The following RRM1 variants were observed in gnomAD, a reference collection of about 807,000 sequenced individuals.
The protein encoded by RRM1 is ribonucleotide reductase catalytic subunit M1, also known as ribonucleoside-diphosphate reductase large subunit.
A neutral mutation model predicts 101.5 loss-of-function variants in RRM1; 19 were observed. The ratio of observed to expected loss-of-function variants is 0.19; its 90% confidence interval spans 0.13 to 0.27. The LOEUF (loss-of-function observed/expected upper bound fraction) is 0.27, where lower values mean the gene tolerates loss of function less well. Among genes scored for constraint, RRM1 ranks in the 10% least tolerant of loss-of-function variants. The pLI is 1.00. For synonymous variants in RRM1, 298 were observed against 323.4 expected, an observed-to-expected ratio of 0.92 and a Z score of 0.84; for missense variants, 500 against 962.9, an observed-to-expected ratio of 0.52 and a Z score of 6.36.
intron 15 of RRM1, among the ~76,000 whole-genome samples, chr11:4,130,517 G>A (rs1268954480): frequency 2.0e-5 from 3 of 151,988 alleles, no homozygotes; most frequent in Non-Finnish European, 2.9e-5. Flanking sequence ...GCAACATGGC[G>A]AAACTTAGTC....
chr11:4,108,955 G>T (rs991933229), intron 4 of RRM1, among the ~76,000 whole-genome samples: 3 of 152,038 alleles, frequency 2.0e-5, no homozygotes, highest in African/African-American at 7.2e-5. Context: ...TGAAAACCTG[G>T]CTCCTTTTTT....
In RRM1 at chr11:4,102,002, A is replaced by G. The variant is rs1334337226; in HGVS notation, c.29A>G (p.Gln10Arg). Residue 10 changes from glutamine (Q) to arginine (R), a missense_variant, in exon 2 of 19, where the codon CAA becomes CGA. This residue lies in a region of RRM1 where 44 missense variants were observed against 119.4 expected (regional missense o/e 0.37). Transcript: ENST00000300738. ...TGATTTGATTCTTTAGATGGCCGCCAAGAACGAGTCATGTTTGACAAAATT... is the reference window on the plus strand; with the variant it reads ...TGATTTGATTCTTTAGATGGCCGCCGAGAACGAGTCATGTTTGACAAAATT... MHVIKRDGRQERVMFDKITS... is the reference protein window; with the variant it reads MHVIKRDGRRERVMFDKITS... The G allele has an allele frequency of 8.8e-6, 14 of 1,589,794 alleles. No individual in the cohort carries two copies. Among genetic ancestry groups the G allele is most frequent in the Non-Finnish European group, 1.1e-5 (13 of 1,160,824 alleles).
intron 12 of RRM1, among the ~76,000 whole-genome samples, chr11:4,124,961 C>T (rs2094587319): frequency 1.3e-5 from 2 of 149,940 alleles, no homozygotes; most frequent in African/African-American, 4.9e-5. Context: ...TGTCACCAGG[C>T]TGGAGTGTAG....
chr11:4,121,403 G>A (rs886708244), intron 9 of RRM1, among the ~76,000 whole-genome samples: 7 of 151,910 alleles, frequency 4.6e-5, no homozygotes, highest in East Asian at 1.9e-4. Flanking sequence ...TATATCATTC[G>A]TTCGTTTTTA....
intron 12 of RRM1, among the ~76,000 whole-genome samples, chr11:4,126,055 T>G (rs973833883): frequency 1.3e-5 from 2 of 152,246 alleles, no homozygotes; most frequent in African/African-American, 4.8e-5. Flanking sequence ...CATATAAATA[T>G]AAATAAGATG....
chr11:4,122,049 T>G (rs921661474), intron 10 of RRM1, 92 bp from the exon 11 acceptor site: 2 of 1,018,732 alleles, frequency 2.0e-6, no homozygotes, highest in African/African-American at 3.3e-5. Context: ...CAAGAGAGCT[T>G]GTAAAAGTCA....
chr11:4,121,243 G>A (rs1375731016), intron 9 of RRM1, among the ~76,000 whole-genome samples: 1 of 152,266 alleles, frequency 6.6e-6, no homozygotes, highest in African/African-American at 2.4e-5. Context: ...CCTACAATAA[G>A]AGCATGGCTT....
Position 4,132,499 on chromosome 11 carries a change from A to G in RRM1, c.1905+78A>G. ...GGGAGTAAATGCTCACTCATGTTTA[A>G]TTTGCCCATTTTCTTAGTTTGGGTG... On this transcript the variant is annotated intron_variant, in intron 16 of 18. Transcript: ENST00000300738. This position sits in a 1 kb window ranked among gnomAD's most constrained non-coding sequence, Gnocchi z 4.1. The G allele has an allele frequency of 3.3e-6, 5 of 1,495,616 alleles. No individual in the cohort carries two copies. In the South Asian group the frequency reaches 6.1e-5, roughly 18 times the overall value. 92.6% of individuals were successfully genotyped at this position (1,495,616 alleles called of 1,614,324 possible).
In RRM1 at chr11:4,134,656, G is replaced by C. The variant is rs112440089; in HGVS notation, c.2002-426G>C. Among the ~76,000 whole-genome samples, 154 of 152,198 alleles carry C rather than the reference G, an allele frequency of 1.0e-3. 1 individual carries two copies. The highest frequency in any genetic ancestry group is 3.5e-3 in the African/African-American group (145 of 41,502). ...GTTTGAAATCCTAGCTTATTTAAAG[G>C]GTTTTATCTCATTGCTTCCCTTGGT... On this transcript the variant is annotated intron_variant, in intron 17 of 18. Transcript: ENST00000300738.
At chr11:4,112,152 T>A in intron 7 of RRM1, 90 bp downstream of exon 7, 1 of 925,180 alleles carries the variant, frequency 1.1e-6, no homozygotes, top group Non-Finnish European at 1.7e-6. Context: ...GACCTTTTAG[T>A]AGCTGCCTGC....
chr11:4,112,865 G>C (rs891583802), intron 7 of RRM1, among the ~76,000 whole-genome samples: 1 of 152,178 alleles, frequency 6.6e-6, no homozygotes, highest in Admixed American at 6.5e-5. Context: ...ACTTTGGAAG[G>C]CTGAGGTGGG....
chr11:4,128,705 G>C (rs1038972124), intron 14 of RRM1, among the ~76,000 whole-genome samples: 1 of 152,118 alleles, frequency 6.6e-6, no homozygotes, highest in Admixed American at 6.5e-5. Context: ...CTAATGTGTG[G>C]TTATTAGAAA....
chr11:4,130,486 A>G (rs12274313), intron 15 of RRM1, among the ~76,000 whole-genome samples: 9,858 of 152,148 alleles, frequency 0.065, 400 homozygotes, highest in African/African-American at 0.12. Context: ...ACTTGAGGTC[A>G]GGAGTTCAAG....
chr11:4,121,974 T>C (rs1038413337), intron 10 of RRM1, 167 bp from the exon 11 acceptor site: 1 of 674,970 alleles, frequency 1.5e-6, no homozygotes, highest in Non-Finnish European at 2.5e-6. Flanking sequence ...AAAGGTCATG[T>C]ATAAACAGGC....
chr11:4,108,173 G>C (rs2094560756), intron 4 of RRM1, among the ~76,000 whole-genome samples: 1 of 152,102 alleles, frequency 6.6e-6, no homozygotes, highest in Non-Finnish European at 1.5e-5. Flanking sequence ...ATCCACTTGT[G>C]TTTGAACCTG....
At chr11:4,124,495 A>G (rs2094586483) in intron 12 of RRM1, among the ~76,000 whole-genome samples, 1 of 152,246 alleles carries the variant, frequency 6.6e-6, no homozygotes, top group South Asian at 2.1e-4. Flanking sequence ...CACAATGTTA[A>G]GTGCTCTGAG....
chr11:4,101,292 A>G (rs1345908590), intron 1 of RRM1, among the ~76,000 whole-genome samples: 2 of 151,870 alleles, frequency 1.3e-5, no homozygotes, highest in Non-Finnish European at 2.9e-5. Context: ...GGTGCACAGG[A>G]CAAGTGGTAT....
intron 1 of RRM1, 56 bp downstream of exon 1, chr11:4,095,087 G>A (rs1054170799): frequency 1.3e-6 from 2 of 1,543,408 alleles, no homozygotes; most frequent in Non-Finnish European, 1.8e-6. Context: ...GGCTGCCGCC[G>A]CCGGAGCTGA....
intron 16 of RRM1, among the ~76,000 whole-genome samples, chr11:4,133,183 G>T (rs1338936803): frequency 1.3e-5 from 2 of 151,944 alleles, no homozygotes; most frequent in Non-Finnish European, 2.9e-5. Context: ...TTTTGTTGTC[G>T]ATACTGTTTT....
Sources: allele counts gnomAD v4.1 joint callset (sites outside exome capture counted in the v4.1 genomes callset), GRCh38; gene constraint gnomAD v4.1.1; regional missense constraint gnomAD v4.1.1; non-coding constraint Gnocchi (gnomAD v3.1); transcripts MANE v1.5; gene names NCBI Gene and HGNC (gene_info 2026-07-23, HGNC 2026-07-21).